ARFGEF1: variants seen among roughly 807,000 people sequenced by gnomAD.
The protein encoded by ARFGEF1 is brefeldin A-inhibited guanine nucleotide-exchange protein 1.
Under a neutral mutation model 231.0 loss-of-function variants are expected in ARFGEF1, and 42 were observed. That is an observed-to-expected ratio of 0.18 (90% CI 0.14 to 0.24). The LOEUF (loss-of-function observed/expected upper bound fraction) is 0.24. Ranked by LOEUF, ARFGEF1 falls within the 10% of genes least tolerant of loss-of-function variation. The pLI is 1.00. For missense variants in ARFGEF1, 1,345 were observed against 2,192.0 expected, an observed-to-expected ratio of 0.61 and a Z score of 7.72; for synonymous variants, 710 against 732.3, an observed-to-expected ratio of 0.97 and a Z score of 0.49.
intron 1 of ARFGEF1, among the ~76,000 whole-genome samples, chr8:67,313,881 T>C (rs1413255081): frequency 6.6e-6 from 1 of 152,070 alleles, no homozygotes; most frequent in African/African-American, 2.4e-5. Flanking sequence ...GGAAGGACCA[T>C]CAGGTGGAGG....
chr8:67,321,631 T>C (rs1159140717), intron 1 of ARFGEF1, among the ~76,000 whole-genome samples: 2 of 151,658 alleles, frequency 1.3e-5, no homozygotes, highest in African/African-American at 4.8e-5. Context: ...CGGCTATTTT[T>C]TTTTATTTTT....
At chr8:67,188,330 G>A (rs1239281157) in intron 5 of ARFGEF1, among the ~76,000 whole-genome samples, 1 of 152,230 alleles carries the variant, frequency 6.6e-6, no homozygotes, top group Non-Finnish European at 1.5e-5. Context: ...CCTAAGCCTA[G>A]CTGGGAAGGT....
intron 32 of ARFGEF1, 35 bp from the exon 33 acceptor site, chr8:67,216,697 G>T (rs1838946781): frequency 7.1e-6 from 11 of 1,542,978 alleles, no homozygotes; most frequent in Non-Finnish European, 9.6e-6. Flanking sequence ...ATCACTAGGG[G>T]GCTGTGCCAC....
At position 67,340,703 on chromosome 8, in the gene ARFGEF1, G is replaced by A. The variant is rs113025851; in HGVS notation, c.124+2461C>T. Among the ~76,000 whole-genome samples the A allele has an allele frequency of 6.3e-4, 96 of 152,288 alleles. 2 individuals carry two copies. The highest frequency in any genetic ancestry group is 3.5e-3 in the Admixed American group (54 of 15,300). On this transcript the variant is annotated intron_variant, in intron 1 of 38. Transcript: ENST00000262215. The stretch of plus-strand genomic sequence containing the variant: ...TGTTGGAGGCTAAATGTAACTTTAC[G>A]AAATGTGGGAAAAAATGCCTCATAC...
At chr8:67,195,677 C>G (rs886568987), downstream of ARFGEF1, 3 of 1,211,028 alleles carry the variant, frequency 2.5e-6, no homozygotes, top group African/African-American at 4.6e-5. Context: ...TACTTTTGGC[C>G]CCTACCTGAA....
At chr8:67,214,531 G>A (rs759719455) in intron 33 of ARFGEF1, among the ~76,000 whole-genome samples, 5 of 152,190 alleles carry the variant, frequency 3.3e-5, no homozygotes, top group African/African-American at 4.8e-5. Flanking sequence ...GCTACAATTA[G>A]GAAATGAATT....
intron 38 of ARFGEF1, chr8:67,200,158 C>A: frequency 1.9e-6 from 1 of 532,646 alleles, no homozygotes; most frequent in South Asian, 1.6e-5. Flanking sequence ...ATTCTGATCC[C>A]TCGCCTACTG....
downstream of ARFGEF1, among the ~76,000 whole-genome samples, chr8:67,192,996 C>T (rs1248631577): frequency 6.6e-5 from 10 of 152,178 alleles, no homozygotes; most frequent in Admixed American, 6.5e-4. Flanking sequence ...ACTCCTTATC[C>T]TTGAGAGTCA....
At chr8:67,235,638 G>A (rs957591673) in intron 22 of ARFGEF1, among the ~76,000 whole-genome samples, 5 of 152,018 alleles carry the variant, frequency 3.3e-5, no homozygotes, top group Middle Eastern at 3.4e-3. Flanking sequence ...AAACCAGCCC[G>A]GGCAACATAC....
chr8:67,300,452 C>T (rs2128914846), intron 3 of ARFGEF1, among the ~76,000 whole-genome samples: 1 of 152,222 alleles, frequency 6.6e-6, no homozygotes, highest in Middle Eastern at 3.4e-3. Context: ...ACATAAATGA[C>T]TGCCATCGCT....
chr8:67,310,077 A>C (rs1806924841), intron 1 of ARFGEF1, among the ~76,000 whole-genome samples: 1 of 152,114 alleles, frequency 6.6e-6, no homozygotes, highest in Non-Finnish European at 1.5e-5. Flanking sequence ...GTTAAGATAC[A>C]CCAGAATCGC....
intron 20 of ARFGEF1, among the ~76,000 whole-genome samples, chr8:67,239,270 T>TGCTG (rs1403585177): frequency 3.3e-5 from 5 of 152,192 alleles, no homozygotes; most frequent in Non-Finnish European, 5.9e-5. Context: ...CCTCCCAAAG[T>TGCTG]GCTGGGATTA....
chr8:67,295,729 G>A (rs1189916871), intron 5 of ARFGEF1, among the ~76,000 whole-genome samples: 1 of 152,096 alleles, frequency 6.6e-6, no homozygotes, highest in Non-Finnish European at 1.5e-5. Context: ...AATTCAAGCA[G>A]GGTCTGTGGT....
chr8:67,184,943 C>CAAAAAAAAAAAA (rs796384901), intron 5 of ARFGEF1, among the ~76,000 whole-genome samples: 9 of 55,954 alleles, frequency 1.6e-4, no homozygotes, highest in South Asian at 8.8e-4. Context: ...ACTAAAAATA[C>CAAAAAAAAAAAA]AAAAAAAAAA....
intron 5 of ARFGEF1, among the ~76,000 whole-genome samples, chr8:67,176,409 A>G (rs973052915): frequency 1.3e-5 from 2 of 152,202 alleles, no homozygotes; most frequent in African/African-American, 4.8e-5. Context: ...TTAGGCCCAG[A>G]TCATAGGTCA....
chr8:67,186,979 A>ATCTG (rs1011919618), intron 5 of ARFGEF1, among the ~76,000 whole-genome samples: 1 of 133,774 alleles, frequency 7.5e-6, no homozygotes, highest in African/African-American at 2.9e-5. Flanking sequence ...TCATCTATCT[A>ATCTG]TCTATCTATC....
At chr8:67,302,743 T>C (rs955732140) in intron 1 of ARFGEF1, among the ~76,000 whole-genome samples, 7 of 152,008 alleles carry the variant, frequency 4.6e-5, no homozygotes, top group Non-Finnish European at 4.4e-5. Flanking sequence ...CATTTCCTTT[T>C]TCGTCAAGTA....
intron 7 of ARFGEF1, among the ~76,000 whole-genome samples, chr8:67,278,269 T>C (rs1008110395): frequency 6.6e-6 from 1 of 152,202 alleles, no homozygotes; most frequent in South Asian, 2.1e-4. Context: ...GTTTCAATCA[T>C]GTCTTCACCA....
chr8:67,196,653 C>T (rs186801327), downstream of ARFGEF1, among the ~76,000 whole-genome samples: 11 of 152,216 alleles, frequency 7.2e-5, no homozygotes, highest in South Asian at 8.3e-4. Context: ...ATTTTCTAAT[C>T]GGACCATTGT....
Sources: allele counts gnomAD v4.1 joint callset (sites outside exome capture counted in the v4.1 genomes callset), GRCh38; gene constraint gnomAD v4.1.1; transcripts MANE v1.5; gene names NCBI Gene and HGNC (gene_info 2026-07-23, HGNC 2026-07-21).